Variants in FBH1 observed in about 807,000 individuals in gnomAD.
FBH1 encodes the protein F-box DNA helicase 1, also known as DNA 3'-5' helicase 1.
FBH1 carries 43 observed loss-of-function variants against 115.5 expected under a neutral mutation model. The observed-to-expected ratio is 0.37, with a 90% confidence interval of 0.29 to 0.48. The LOEUF is 0.48. Among genes scored for constraint, FBH1 ranks in the 20% least tolerant of loss-of-function variants. The pLI, the probability that FBH1 is intolerant of heterozygous loss-of-function variation, is 0.99. For missense variants in FBH1, 1,001 were observed against 1,337.3 expected (o/e 0.75, Z 3.92); for synonymous variants, 524 against 507.8 (o/e 1.03, Z -0.43).
rs1832042217 is a variant in FBH1, at chr10:5,917,519, C to T, written c.1876+12C>T. On this transcript the variant is annotated intron_variant, in intron 11 of 20. Coordinates refer to ENST00000362091, the MANE Select transcript of FBH1 (RefSeq NM_178150.3). The surrounding 1 kb of genome is among the most constrained non-coding windows in gnomAD (Gnocchi z 5.6). The stretch of plus-strand genomic sequence containing the variant: ...GATGACTCATGACGGTAGGCGGCTG[C>T]CGAATGGCGGGGACTGGCCAATGGG... The T allele has an allele frequency of 6.2e-7, 1 of 1,613,916 alleles. No individual in the cohort carries two copies. The highest frequency in any genetic ancestry group is 1.1e-5 in the South Asian group (1 of 91,074).
intron 19 of FBH1, chr10:5,929,563 CTT>C (rs770867414): frequency 3.9e-5 from 6 of 152,214 alleles, no homozygotes; most frequent in Non-Finnish European, 5.9e-5. Context: ...CGTCTGTAGA[CTT>C]TTTCTGTAAA....
intron 1 of FBH1, among the ~76,000 whole-genome samples, chr10:5,899,017 G>A (rs911978831): frequency 1.2e-4 from 19 of 152,282 alleles, no homozygotes; most frequent in African/African-American, 4.3e-4. Flanking sequence ...CACAAAAAAC[G>A]TTCCAGGGTT....
In FBH1 at chr10:5,897,579, A is replaced by G. The variant is rs941562042; in HGVS notation, c.2-5441A>G. ...ATAAAAGTGTTAATAAAAATCCAAT[A>G]AAAGTACCAGCTCTCCCGCCAGCCA... On this transcript the variant is annotated intron_variant, in intron 1 of 20. Transcript: ENST00000362091. This position sits in a 1 kb window ranked among gnomAD's most constrained non-coding sequence, Gnocchi z 4.7. Among the ~76,000 whole-genome samples, 2 of 152,202 alleles carry G rather than the reference A, an allele frequency of 1.3e-5. No individual in the cohort carries two copies. Among genetic ancestry groups the G allele is most frequent in the African/African-American group, 4.8e-5 (2 of 41,444 alleles).
intron 1 of FBH1, 41 bp from the exon 2 acceptor site, chr10:5,902,979 T>C (rs754838613): frequency 6.4e-7 from 1 of 1,554,172 alleles, no homozygotes; most frequent in East Asian, 2.4e-5. Context: ...CGGTGATAAC[T>C]AATGAATATC....
At position 5,925,320 on chromosome 10, in the gene FBH1, C is replaced by T. The variant is rs779419803; in HGVS notation, c.2597-47C>T. ...CATGTATGTTTTTGTCATCTTGTTT[C>T]TTTCCCTTTGAAGCACCATCTAACG... On this transcript the variant is annotated intron_variant, in intron 17 of 20. Coordinates refer to ENST00000362091, the MANE Select transcript of FBH1 (RefSeq NM_178150.3). This position sits in a 1 kb window ranked among gnomAD's most constrained non-coding sequence, Gnocchi z 4.6. 1.2e-6 allele frequency: 2 copies of T among 1,600,636 alleles called. No individual in the cohort carries two copies. The highest frequency in any genetic ancestry group is 2.2e-5 in the South Asian group (2 of 89,438).
Position 5,931,041 on chromosome 10 carries a change from G to A in FBH1, c.2829+3500G>A, listed in dbSNP as rs1023773256. 6.6e-6 allele frequency among the ~76,000 whole-genome samples: 1 copy of A among 152,152 alleles called. No individual in the cohort carries two copies. Among genetic ancestry groups the A allele is most frequent in the Non-Finnish European group, 1.5e-5 (1 of 68,038 alleles). The stretch of plus-strand genomic sequence containing the variant: ...GCCTCCCAAAGTTCTGGGATTATAG[G>A]TGTGACACCAGGCAAATTTCAACAT... On this transcript the variant is annotated intron_variant, in intron 19 of 20. Transcript: ENST00000362091. This position sits in a 1 kb window ranked among gnomAD's most constrained non-coding sequence, Gnocchi z 4.3.
chr10:5,919,337 T>C (rs916503673), intron 13 of FBH1, among the ~76,000 whole-genome samples: 4 of 151,952 alleles, frequency 2.6e-5, no homozygotes, highest in African/African-American at 9.7e-5. Context: ...AATACAAAAA[T>C]TAGCCAGGTG....
intron 1 of FBH1, among the ~76,000 whole-genome samples, chr10:5,898,732 G>A (rs1027449550): frequency 1.3e-5 from 2 of 152,124 alleles, no homozygotes; most frequent in South Asian, 2.1e-4. Flanking sequence ...ACTTCATACC[G>A]TCACCTTGCG....
Position 5,918,234 on chromosome 10 carries a change from G to A in FBH1, c.1964-108G>A, listed in dbSNP as rs906616941. ...GTCCTACAGGAAAAGGCGACCGTGA[G>A]GTCCAGTGTGCCCTGGCTTAGCTTC... is the stretch of plus-strand genomic sequence containing the variant. On this transcript the variant is annotated intron_variant, in intron 12 of 20. Transcript: ENST00000362091. The surrounding 1 kb of genome is among the most constrained non-coding windows in gnomAD (Gnocchi z 4.0). The A allele has an allele frequency of 2.2e-6, 3 of 1,360,964 alleles. No individual in the cohort carries two copies. Among genetic ancestry groups the A allele is most frequent in the Non-Finnish European group, 3.0e-6 (3 of 992,366 alleles). The allele number at this position is 1,360,964 out of a possible 1,614,324, so 84.3% of individuals were successfully genotyped here.
chr10:5,927,607 C>A, intron 19 of FBH1, 66 bp downstream of exon 19: 1 of 1,323,510 alleles, frequency 7.6e-7, no homozygotes, highest in Non-Finnish European at 1.1e-6. Context: ...GCTTGAGGGG[C>A]TGACCTGGAG....
intron 1 of FBH1, among the ~76,000 whole-genome samples, chr10:5,896,295 G>A (rs1165470257): frequency 6.6e-6 from 1 of 152,124 alleles, no homozygotes; most frequent in East Asian, 1.9e-4. Context: ...AAGGTGAAGA[G>A]ATTTGAGGGG....
At position 5,901,235 on chromosome 10, in the gene FBH1, C is replaced by T. The variant is rs147921478; in HGVS notation, c.2-1785C>T. On this transcript the variant is annotated intron_variant, in intron 1 of 20. Transcript: ENST00000362091. Reference sequence around the variant, plus strand: ...TTGCCCAGGCTGGAGTGCAATGGTGCGACCTCGGCTCACTGCAACCTCTGC... The same window carrying T: ...TTGCCCAGGCTGGAGTGCAATGGTGTGACCTCGGCTCACTGCAACCTCTGC... Among the ~76,000 whole-genome samples, 1,175 of 152,142 alleles carry T rather than the reference C, an allele frequency of 7.7e-3. 14 individuals are homozygous for T. Among genetic ancestry groups the T allele is most frequent in the African/African-American group, 0.027 (1,121 of 41,488 alleles).
chr10:5,894,510 A>G, intron 1 of FBH1: 1 of 948,704 alleles, frequency 1.1e-6, no homozygotes, highest in Non-Finnish European at 1.7e-6. Context: ...AGGTGACTTC[A>G]GGCAAGTCCT....
rs116595711 is a variant in FBH1 at position 5,912,446 on chromosome 10, A to G, written c.1212-1301A>G. On this transcript the variant is annotated intron_variant, in intron 6 of 20. Coordinates refer to ENST00000362091, the MANE Select transcript of FBH1 (RefSeq NM_178150.3). ...TTGTCCCTGAGCTGGAGTGATGGGG[A>G]CAGGTAGATCAACTGTGCAGCCATC... 8.1e-3 allele frequency among the ~76,000 whole-genome samples: 1,164 copies of G among 144,316 alleles called. 15 individuals carry two copies. The highest frequency in any genetic ancestry group is 0.028 in the African/African-American group (1,109 of 39,516). 94.7% of individuals were successfully genotyped at this position (144,316 alleles called of 152,430 possible). A position where few individuals can be genotyped will look rare whatever the true frequency, so the allele number is the denominator to read the frequency against.
At chr10:5,928,145 GTTC>G (rs1157053517) in intron 19 of FBH1, among the ~76,000 whole-genome samples, 1 of 112,856 alleles carries the variant, frequency 8.9e-6, no homozygotes, top group Non-Finnish European at 1.9e-5. Flanking sequence ...TACTCAATTA[GTTC>G]TTTTTTTTTT....
chr10:5,904,001 G>T (rs1434773230), intron 2 of FBH1, among the ~76,000 whole-genome samples: 2 of 151,892 alleles, frequency 1.3e-5, no homozygotes, highest in African/African-American at 4.8e-5. Flanking sequence ...AATCTAGATT[G>T]CCTTATTTCC....
At chr10:5,903,896 A>G (rs1031146245) in intron 2 of FBH1, among the ~76,000 whole-genome samples, 3 of 152,152 alleles carry the variant, frequency 2.0e-5, no homozygotes, top group Non-Finnish European at 2.9e-5. Flanking sequence ...CTGGACTACT[A>G]CAGTAACCTT....
rs2274028 is a variant in FBH1, at chr10:5,923,460, G to A, written c.2323-161G>A. ...TGCTTCATGAAGTTTCCTGCTTGCC[G>A]CCTGTGCTTTGGGTGTCACTCAAGA... On this transcript the variant is annotated intron_variant, in intron 15 of 20. Transcript: ENST00000362091. This position sits in a 1 kb window ranked among gnomAD's most constrained non-coding sequence, Gnocchi z 5.7. 0.043 allele frequency: 25,375 copies of A among 592,806 alleles called. 884 individuals are homozygous for A. Among genetic ancestry groups the A allele is most frequent in the East Asian group, 0.12 (4,055 of 33,340 alleles). The allele number at this position is 592,806 out of a possible 1,614,324, so 36.7% of individuals were successfully genotyped here. A position where few individuals can be genotyped will look rare whatever the true frequency, so the allele number is the denominator to read the frequency against.
In FBH1 at chr10:5,917,553, C is replaced by T; in HGVS notation, c.1877-37C>T. ...GGGGACTGGCCAATGGGACTGCCTT[C>T]CTGGCGTTACAACTCCTGCGTCTCT... On this transcript the variant is annotated intron_variant, in intron 11 of 20. Coordinates refer to ENST00000362091, the MANE Select transcript of FBH1 (RefSeq NM_178150.3). The surrounding 1 kb of genome is among the most constrained non-coding windows in gnomAD (Gnocchi z 5.6). 1.2e-6 allele frequency: 2 copies of T among 1,613,426 alleles called. No individual in the cohort carries two copies. The highest frequency in any genetic ancestry group is 1.7e-6 in the Non-Finnish European group (2 of 1,179,368).
Sources: gnomAD v4.1 joint callset for allele counts (sites outside exome capture counted in the v4.1 genomes callset) on GRCh38, gnomAD v4.1.1 for gene constraint, Gnocchi (gnomAD v3.1) non-coding constraint, MANE v1.5 for transcripts, NCBI Gene and HGNC (gene_info 2026-07-23, HGNC 2026-07-21) for gene names.